EPHA7: variants seen among roughly 807,000 people sequenced by gnomAD.
EPHA7 encodes EPH receptor A7.
EPHA7 carries 25 observed loss-of-function variants against 112.6 expected under a neutral mutation model. That is an observed-to-expected ratio of 0.22 (90% confidence interval 0.16 to 0.31). The LOEUF is 0.31. EPHA7 is among the 10% of genes least tolerant of loss of function. EPHA7 has a pLI of 1.00. For missense variants in EPHA7, 962 were observed against 1,212.6 expected (o/e 0.79, Z 3.07); for synonymous variants, 437 against 406.5 (o/e 1.07, Z -0.90).
At chr6:93,328,123 C>T (rs138680331) in intron 5 of EPHA7, among the ~76,000 whole-genome samples, 1 of 151,478 alleles carries the variant, frequency 6.6e-6, no homozygotes, top group Non-Finnish European at 1.5e-5. Flanking sequence ...GAACACTCTT[C>T]TTCCGTTTGG....
At chr6:93,264,454 C>T in intron 8 of EPHA7, 140 bp downstream of exon 8, 1 of 493,172 alleles carries the variant, frequency 2.0e-6, no homozygotes, top group African/African-American at 2.0e-5. Flanking sequence ...AGGAATGACA[C>T]ATTATTGACC....
At chr6:93,287,587 T>A (rs917445137) in intron 5 of EPHA7, among the ~76,000 whole-genome samples, 1 of 151,768 alleles carries the variant, frequency 6.6e-6, no homozygotes, top group South Asian at 2.1e-4. Context: ...GTTATATAGG[T>A]AAACTCGTGT....
Position 93,243,317 on chromosome 6 carries a change from G to T in EPHA7, c.*109C>A. On this transcript the variant is annotated 3_prime_UTR_variant, in exon 17 of 17. Transcript: ENST00000369303. The stretch of plus-strand genomic sequence containing the variant: ...CTTCTTAAATCTTCTCTTCACTGTT[G>T]GAAGGACCCAGGACATCACTTGTCT... 1.4e-6 allele frequency: 1 copy of T among 724,560 alleles called. No homozygotes were observed. The highest frequency in any genetic ancestry group is 2.3e-6 in the Non-Finnish European group (1 of 439,880). 44.9% of individuals were successfully genotyped at this position (724,560 alleles called of 1,614,324 possible).
chr6:93,415,324 T>C (rs1003965041), intron 1 of EPHA7, among the ~76,000 whole-genome samples: 4 of 151,998 alleles, frequency 2.6e-5, no homozygotes, highest in Admixed American at 2.6e-4. Flanking sequence ...GAAAACCAAA[T>C]TGCCTATTAT....
chr6:93,253,816 A>G (rs1473717006), intron 14 of EPHA7, among the ~76,000 whole-genome samples: 1 of 152,078 alleles, frequency 6.6e-6, no homozygotes, highest in African/African-American at 2.4e-5. Context: ...TAGATTTCAT[A>G]CTGGCTCTAC....
At chr6:93,299,265 G>A (rs1006399442) in intron 5 of EPHA7, among the ~76,000 whole-genome samples, 1 of 151,916 alleles carries the variant, frequency 6.6e-6, no homozygotes, top group African/African-American at 2.4e-5. Flanking sequence ...GGCGGAGCTT[G>A]CAGTGAGCCG....
At chr6:93,404,285 G>A (rs890288303) in intron 3 of EPHA7, among the ~76,000 whole-genome samples, 1 of 151,954 alleles carries the variant, frequency 6.6e-6, no homozygotes, top group Non-Finnish European at 1.5e-5. Context: ...AGGAAAGGTA[G>A]AGACACATAT....
chr6:93,345,062 T>C (rs1052855776), intron 5 of EPHA7, among the ~76,000 whole-genome samples: 5 of 151,672 alleles, frequency 3.3e-5, no homozygotes, highest in South Asian at 2.1e-4. Context: ...AAAGAACATA[T>C]GTTTATTACT....
intron 5 of EPHA7, among the ~76,000 whole-genome samples, chr6:93,324,425 C>T (rs1774220040): frequency 6.6e-6 from 1 of 151,102 alleles, no homozygotes; most frequent in African/African-American, 2.4e-5. Flanking sequence ...ATCTATAAAC[C>T]GTTATTAGAT....
chr6:93,405,783 ATGTGTGTGTGTGTG>A (rs371052750), intron 3 of EPHA7, among the ~76,000 whole-genome samples: 1,506 of 94,972 alleles, frequency 0.016, 31 homozygotes, highest in Middle Eastern at 0.03. Context: ...TTCTGTATAT[ATGTGTGTGTGTGTG>A]TGTGTGTGTG....
At chr6:93,385,940 G>T (rs2127975988) in intron 3 of EPHA7, among the ~76,000 whole-genome samples, 1 of 152,174 alleles carries the variant, frequency 6.6e-6, no homozygotes. Context: ...GTGGAGTCAA[G>T]GAAACTCCTT....
chr6:93,334,916 A>C (rs1419806311), intron 5 of EPHA7, among the ~76,000 whole-genome samples: 1 of 152,096 alleles, frequency 6.6e-6, no homozygotes, highest in Non-Finnish European at 1.5e-5. Context: ...CACTTTTATT[A>C]GAATTGATTT....
At chr6:93,334,763 A>G (rs1774775823) in intron 5 of EPHA7, among the ~76,000 whole-genome samples, 1 of 152,116 alleles carries the variant, frequency 6.6e-6, no homozygotes, top group South Asian at 2.1e-4. Context: ...ACAAATATCA[A>G]GGTTAAACGA....
intron 5 of EPHA7, among the ~76,000 whole-genome samples, chr6:93,295,628 T>C (rs994063529): frequency 5.9e-5 from 9 of 151,848 alleles, no homozygotes; most frequent in Non-Finnish European, 2.9e-5. Context: ...CTTTCTGGAA[T>C]TCCTTCTCTA....
intron 3 of EPHA7, among the ~76,000 whole-genome samples, chr6:93,397,505 TG>T (rs1778237135): frequency 6.6e-6 from 1 of 151,878 alleles, no homozygotes; most frequent in African/African-American, 2.4e-5. Context: ...GAATATGCAA[TG>T]TTTTTTAAGA....
At chr6:93,358,177 T>C (rs1776051413) in intron 4 of EPHA7, 79 bp downstream of exon 4, 2 of 1,078,562 alleles carry the variant, frequency 1.9e-6, no homozygotes, top group South Asian at 3.5e-5. Flanking sequence ...ACAAATTCAA[T>C]ATCTATTTCA....
chr6:93,415,482 A>G (rs1779178172), intron 1 of EPHA7, among the ~76,000 whole-genome samples: 1 of 152,086 alleles, frequency 6.6e-6, no homozygotes, highest in Admixed American at 6.5e-5. Context: ...ATCAAAAAGC[A>G]TAATGCGATT....
chr6:93,327,865 A>T, intron 5 of EPHA7, among the ~76,000 whole-genome samples: 1 of 151,526 alleles, frequency 6.6e-6, no homozygotes, highest in East Asian at 1.9e-4. Context: ...TGAGATGGTT[A>T]TGAAAGTATA....
At chr6:93,322,054 T>C (rs1340565324) in intron 5 of EPHA7, among the ~76,000 whole-genome samples, 2 of 151,762 alleles carry the variant, frequency 1.3e-5, no homozygotes, top group South Asian at 2.1e-4. Context: ...GAATAATGAA[T>C]GTAAAAAACA....
Sources: gnomAD v4.1 joint callset for allele counts (sites outside exome capture counted in the v4.1 genomes callset) on GRCh38, gnomAD v4.1.1 for gene constraint, MANE v1.5 for transcripts, NCBI Gene and HGNC (gene_info 2026-07-23, HGNC 2026-07-21) for gene names.